Variants in CCDC92B observed in about 807,000 individuals in gnomAD.
The protein encoded by CCDC92B is coiled-coil domain containing 92B, also known as coiled-coil domain-containing 92B.
Under a neutral mutation model 5.6 loss-of-function variants are expected in CCDC92B, and 2 were observed. The ratio of observed to expected loss-of-function variants is 0.36; its 90% CI spans 0.15 to 1.12. CCDC92B has a LOEUF of 1.12. Among genes scored for constraint, CCDC92B ranks in the 50% most tolerant of loss-of-function variants. The pLI is 0.40. For missense variants in CCDC92B, 271 were observed against 262.2 expected (o/e 1.03, Z -0.23); for synonymous variants, 115 against 122.3 (o/e 0.94, Z 0.39).
At chr17:2,730,404 T>C (rs1459876690) in intron 3 of CCDC92B, 42 bp downstream of exon 3, 1 of 978,072 alleles carries the variant, frequency 1.0e-6, no homozygotes, top group East Asian at 1.1e-4. Flanking sequence ...ACTCCAGCTG[T>C]TGGGCCCCAT....
chr17:2,746,603 C>G (rs2070989641), intron 1 of CCDC92B, among the ~76,000 whole-genome samples: 1 of 152,110 alleles, frequency 6.6e-6, no homozygotes, highest in Non-Finnish European at 1.5e-5. Flanking sequence ...TCTGGAGATT[C>G]TGGGTACCCA....
At chr17:2,727,162 G>A (rs2070739628) in intron 3 of CCDC92B, among the ~76,000 whole-genome samples, 2 of 152,200 alleles carry the variant, frequency 1.3e-5, no homozygotes, top group South Asian at 4.1e-4. Flanking sequence ...GATTATAGGT[G>A]GGAGTCACCG....
At chr17:2,748,608 G>A in intron 1 of CCDC92B, 1 of 984,998 alleles carries the variant, frequency 1.0e-6, no homozygotes, top group Non-Finnish European at 1.2e-6. Flanking sequence ...CTTTGTCTCT[G>A]GGAATCTCTT....
intron 1 of CCDC92B, chr17:2,748,507 T>A: frequency 2.6e-5 from 2 of 78,058 alleles, no homozygotes; most frequent in Non-Finnish European, 3.3e-5. Context: ...TCATCGTGTT[T>A]GTGTGTGTGT....
At position 2,722,901 on chromosome 17, in the gene CCDC92B, G is replaced by C. The variant is rs2070673283; in HGVS notation, c.*1510C>G. ...TTTGTGTTTCCTTCTAGGCTGGGCT[G>C]GGGGTGGGGGAATAAGCTGCGCTGA... On this transcript the variant is annotated 3_prime_UTR_variant, in exon 4 of 4. Transcript: ENST00000614400. 6.6e-6 allele frequency: 1 copy of C among 152,584 alleles called. No homozygotes were observed. The highest frequency in any genetic ancestry group is 1.5e-5 in the Non-Finnish European group (1 of 68,340). The allele number at this position is 152,584 out of a possible 1,614,324, so 9.5% of individuals were successfully genotyped here.
In CCDC92B at chr17:2,724,548, CGGGGTCGGGCAT is replaced by C. The variant is rs1177446540; in HGVS notation, c.619_630del (p.Met207_Pro210del). 2 of 982,032 alleles carry C rather than the reference CGGGGTCGGGCAT, an allele frequency of 2.0e-6. No individual in the cohort carries two copies. The highest frequency in any genetic ancestry group is 1.8e-5 in the African/African-American group (1 of 56,754). 60.8% of individuals were successfully genotyped at this position (982,032 alleles called of 1,614,324 possible). ...GGCCTGCGTGCATAGAGGAAGAGCG[CGGGGTCGGGCAT>C]GGGGTCGGCGTCGTCGAGGGCGCCG... is the stretch of plus-strand genomic sequence containing the variant. On this transcript the variant is annotated inframe_deletion, in exon 4 of 4. Transcript: ENST00000614400. The surrounding 1 kb of genome is among the most constrained non-coding windows in gnomAD (Gnocchi z 5.0).
intron 3 of CCDC92B, among the ~76,000 whole-genome samples, chr17:2,727,183 CAT>C (rs891471596): frequency 3.3e-5 from 5 of 152,180 alleles, no homozygotes; most frequent in African/African-American, 1.2e-4. Flanking sequence ...TGCCTGGCCA[CAT>C]GTTTGTCATT....
chr17:2,735,378 A>C (rs1327690605), intron 1 of CCDC92B, among the ~76,000 whole-genome samples: 1 of 152,164 alleles, frequency 6.6e-6, no homozygotes, highest in East Asian at 1.9e-4. Flanking sequence ...CATTTAACAC[A>C]TGGAGAACCA....
intron 1 of CCDC92B, chr17:2,748,264 C>T: frequency 1.1e-6 from 1 of 934,700 alleles, no homozygotes. Flanking sequence ...CCTCTTGAAG[C>T]CTGACCCATC....
intron 1 of CCDC92B, among the ~76,000 whole-genome samples, chr17:2,741,090 A>C (rs2070921980): frequency 6.6e-6 from 1 of 152,026 alleles, no homozygotes; most frequent in Admixed American, 6.6e-5. Flanking sequence ...ATAAAAAACT[A>C]ATACAGACTT....
rs539346225 is a variant in CCDC92B at position 2,739,323 on chromosome 17, C to T, written c.-23-4155G>A. Among the ~76,000 whole-genome samples the T allele has an allele frequency of 7.3e-4, 109 of 148,974 alleles. No homozygotes were observed. The South Asian group carries it at 0.014, about 18-fold the overall frequency. On this transcript the variant is annotated intron_variant, in intron 1 of 3. Coordinates refer to ENST00000614400, the MANE Select transcript of CCDC92B (RefSeq NM_001355573.2). ...CAGAGGTTGCAGTGAGCTGAGATCG[C>T]GCCATTGCACTCCAGCCTGGCGACA...
chr17:2,736,390 G>T (rs2070857612), intron 1 of CCDC92B, among the ~76,000 whole-genome samples: 1 of 151,958 alleles, frequency 6.6e-6, no homozygotes, highest in African/African-American at 2.4e-5. Flanking sequence ...CCATGCCACT[G>T]CACCCCAGCC....
chr17:2,748,051 C>T (rs746309016), intron 1 of CCDC92B: 2 of 507,460 alleles, frequency 3.9e-6, no homozygotes, highest in African/African-American at 2.0e-5. Flanking sequence ...CTAGAAGCAC[C>T]CCACTGGGTG....
chr17:2,734,267 G>A (rs555192081), intron 2 of CCDC92B, among the ~76,000 whole-genome samples: 100 of 152,112 alleles, frequency 6.6e-4, no homozygotes, highest in African/African-American at 2.3e-3. Context: ...CCCTCCTCTG[G>A]GGAGCCTCGG....
chr17:2,741,743 C>T (rs567627913), intron 1 of CCDC92B, among the ~76,000 whole-genome samples: 128 of 150,996 alleles, frequency 8.5e-4, no homozygotes, highest in Non-Finnish European at 1.1e-3. Flanking sequence ...CAGGGGCCCA[C>T]GACCGCGCCT....
intron 3 of CCDC92B, among the ~76,000 whole-genome samples, chr17:2,727,126 C>A (rs910083275): frequency 6.6e-6 from 1 of 152,192 alleles, no homozygotes; most frequent in Non-Finnish European, 1.5e-5. Flanking sequence ...AGGCAATCCT[C>A]CTGCCTCAGC....
chr17:2,738,963 C>T (rs769670623), intron 1 of CCDC92B, among the ~76,000 whole-genome samples: 4 of 151,432 alleles, frequency 2.6e-5, no homozygotes, highest in African/African-American at 7.3e-5. Context: ...CCCAGCTACT[C>T]GGGAGGTTGA....
chr17:2,727,250 G>A (rs1462501022), intron 3 of CCDC92B, among the ~76,000 whole-genome samples: 2 of 152,176 alleles, frequency 1.3e-5, no homozygotes, highest in Non-Finnish European at 2.9e-5. Flanking sequence ...TTCAACCCTG[G>A]ATAGACATTA....
At chr17:2,737,476 T>TC (rs2070870346) in intron 1 of CCDC92B, among the ~76,000 whole-genome samples, 1 of 126,248 alleles carries the variant, frequency 7.9e-6, no homozygotes, top group Non-Finnish European at 1.7e-5. Context: ...TTTTTTTTTT[T>TC]TTTTTTTTTT....
Sources: allele counts gnomAD v4.1 joint callset (sites outside exome capture counted in the v4.1 genomes callset), GRCh38; gene constraint gnomAD v4.1.1; non-coding constraint Gnocchi (gnomAD v3.1); transcripts MANE v1.5; gene names NCBI Gene and HGNC (gene_info 2026-07-23, HGNC 2026-07-21).